The following ELMO1 variants were observed in gnomAD, a reference collection of about 807,000 sequenced individuals.
The protein encoded by ELMO1 is engulfment and cell motility protein 1.
In ELMO1, 26 loss-of-function variants were observed where a neutral mutation model predicts 98.9. That is an observed-to-expected ratio of 0.26 (90% CI 0.19 to 0.36). The LOEUF (loss-of-function observed/expected upper bound fraction) is 0.36. Among genes scored for constraint, ELMO1 ranks in the 10% least tolerant of loss-of-function variants. The probability of loss-of-function intolerance (pLI) is 1.00; values close to 1 mark genes in which losing one functional copy is unlikely to be tolerated. For synonymous variants in ELMO1, 346 were observed against 346.0 expected (o/e 1.00, Z 0.00); for missense variants, 627 against 935.2 (o/e 0.67, Z 4.30).
intron 13 of ELMO1, among the ~76,000 whole-genome samples, chr7:37,146,634 T>C (rs562968706): frequency 8.9e-4 from 135 of 152,272 alleles, no homozygotes; most frequent in Non-Finnish European, 1.7e-3. Context: ...CAAAGATCCT[T>C]ACAAGTAGCC....
At chr7:37,023,650 C>T (rs929183322) in intron 15 of ELMO1, among the ~76,000 whole-genome samples, 1 of 152,110 alleles carries the variant, frequency 6.6e-6, no homozygotes, top group African/African-American at 2.4e-5. Flanking sequence ...CTCTGTCACC[C>T]AGGCTGGAGT....
intron 16 of ELMO1, among the ~76,000 whole-genome samples, chr7:37,008,126 C>G (rs1406764369): frequency 6.6e-6 from 1 of 152,214 alleles, no homozygotes; most frequent in African/African-American, 2.4e-5. Flanking sequence ...ATGGCACAAT[C>G]ATCTGATCTT....
At chr7:37,383,488 C>G (rs1298251610) in intron 1 of ELMO1, among the ~76,000 whole-genome samples, 1 of 152,166 alleles carries the variant, frequency 6.6e-6, no homozygotes, top group African/African-American at 2.4e-5. Flanking sequence ...TGTTATCTTC[C>G]TGGTGAGTTA....
At chr7:37,206,047 C>T (rs1792596797) in intron 13 of ELMO1, among the ~76,000 whole-genome samples, 2 of 152,278 alleles carry the variant, frequency 1.3e-5, no homozygotes, top group East Asian at 1.9e-4. Flanking sequence ...CGGATTTTCA[C>T]ACTACCCTCC....
intron 1 of ELMO1, among the ~76,000 whole-genome samples, chr7:37,447,454 C>A (rs1805665878): frequency 6.6e-6 from 1 of 152,038 alleles, no homozygotes; most frequent in African/African-American, 2.4e-5. Context: ...CGGGAGCCGT[C>A]CAGGGACTCT....
chr7:37,185,780 G>A (rs554774981), intron 13 of ELMO1, among the ~76,000 whole-genome samples: 1 of 152,296 alleles, frequency 6.6e-6, no homozygotes, highest in East Asian at 1.9e-4. Flanking sequence ...TCTGAAAACT[G>A]CTACACAACA....
chr7:37,302,599 A>C (rs1306751738), intron 4 of ELMO1, among the ~76,000 whole-genome samples: 1 of 152,112 alleles, frequency 6.6e-6, no homozygotes, highest in Non-Finnish European at 1.5e-5. Flanking sequence ...TGAGTGAAGA[A>C]GAGGCTTCCA....
Position 37,226,555 on chromosome 7 carries a change from G to A in ELMO1, c.550-1525C>T, listed in dbSNP as rs144638282. Among the ~76,000 whole-genome samples the A allele has an allele frequency of 2.0e-5, 3 of 151,820 alleles. No individual in the cohort carries two copies. In the East Asian group the frequency reaches 5.8e-4, roughly 29 times the overall value. On this transcript the variant is annotated intron_variant, in intron 8 of 21. Transcript: ENST00000310758. ...CCCACCCCACCAAACCATTTTTCAC[G>A]CTCTCGGCATAATTCTTGGCACTGG...
At chr7:36,942,055 G>C (rs527851680) in intron 16 of ELMO1, among the ~76,000 whole-genome samples, 124 of 152,330 alleles carry the variant, frequency 8.1e-4, no homozygotes, top group African/African-American at 2.8e-3. Context: ...TTTAGAGGTA[G>C]AGGTTAACAT....
intron 13 of ELMO1, among the ~76,000 whole-genome samples, chr7:37,160,234 G>A (rs1327834482): frequency 1.3e-5 from 2 of 152,120 alleles, no homozygotes; most frequent in Non-Finnish European, 2.9e-5. Flanking sequence ...CAATGAAGAA[G>A]GAAGTAAAAT....
chr7:36,974,402 C>G (rs969078558), intron 16 of ELMO1, among the ~76,000 whole-genome samples: 1 of 152,080 alleles, frequency 6.6e-6, no homozygotes, highest in Non-Finnish European at 1.5e-5. Context: ...GTATCTAGCT[C>G]AAGGTTTGTA....
chr7:37,444,103 A>G (rs931736592), intron 1 of ELMO1, among the ~76,000 whole-genome samples: 2 of 152,148 alleles, frequency 1.3e-5, no homozygotes, highest in African/African-American at 4.8e-5. Flanking sequence ...TGGTCTCGCT[A>G]TGTTGCCCAG....
At position 37,162,549 on chromosome 7, in the gene ELMO1, T is replaced by C. The variant is rs528134128; in HGVS notation, c.1087-29315A>G. On this transcript the variant is annotated intron_variant, in intron 13 of 21. Coordinates refer to ENST00000310758, the MANE Select transcript of ELMO1 (RefSeq NM_014800.11). ...TATGAACTACCACCAGGAGCACTTG[T>C]CAACCTACAAATATATACCATAATG... Among the ~76,000 whole-genome samples, 66 of 152,336 alleles carry C rather than the reference T, an allele frequency of 4.3e-4. No individual in the cohort carries two copies. In the East Asian group the frequency reaches 0.013, roughly 29 times the overall value.
chr7:37,160,276 T>C (rs1304556350), intron 13 of ELMO1, among the ~76,000 whole-genome samples: 3 of 152,222 alleles, frequency 2.0e-5, no homozygotes, highest in Non-Finnish European at 4.4e-5. Context: ...TCAGTTTTCA[T>C]ATTACATTTT....
At chr7:37,304,340 GGTGTGTGAGGGTGTGT>G (rs1031791286) in intron 4 of ELMO1, among the ~76,000 whole-genome samples, 21 of 152,070 alleles carry the variant, frequency 1.4e-4, no homozygotes, top group African/African-American at 5.1e-4. Flanking sequence ...ATCTGAGGAG[GGTGTGTGAGGGTGTGT>G]GTGTGTGCGT....
At chr7:37,214,407 G>C (rs368804391) in intron 11 of ELMO1, among the ~76,000 whole-genome samples, 3 of 152,138 alleles carry the variant, frequency 2.0e-5, no homozygotes, top group African/African-American at 7.2e-5. Context: ...CTAAGTGGCC[G>C]TTCAGTAAAT....
At chr7:37,165,460 A>T (rs933018959) in intron 13 of ELMO1, among the ~76,000 whole-genome samples, 3 of 152,062 alleles carry the variant, frequency 2.0e-5, no homozygotes, top group Non-Finnish European at 4.4e-5. Context: ...TCAGTATGAT[A>T]TTGGCTGTGG....
At chr7:37,092,363 A>ATTTTTTTTTTTTTTTT (rs1784145396) in intron 15 of ELMO1, among the ~76,000 whole-genome samples, 1 of 65,416 alleles carries the variant, frequency 1.5e-5, no homozygotes, top group Non-Finnish European at 3.4e-5. Context: ...AATTACCCAT[A>ATTTTTTTTTTTTTTTT]TTCTTTTTTT....
chr7:37,366,462 C>G (rs1342071323), intron 1 of ELMO1, among the ~76,000 whole-genome samples: 2 of 152,086 alleles, frequency 1.3e-5, no homozygotes, highest in African/African-American at 4.8e-5. Flanking sequence ...GGGATTGAAG[C>G]AAAGAAGTTA....
Sources: gnomAD v4.1 joint callset for allele counts (sites outside exome capture counted in the v4.1 genomes callset) on GRCh38, gnomAD v4.1.1 for gene constraint, MANE v1.5 for transcripts, NCBI Gene and HGNC (gene_info 2026-07-23, HGNC 2026-07-21) for gene names.